The following CPPED1 variants were observed in gnomAD, a reference collection of about 807,000 sequenced individuals.
CPPED1 encodes the protein calcineurin like phosphoesterase domain containing 1.
Under a neutral mutation model 28.0 loss-of-function variants are expected in CPPED1, and 28 were observed. The observed-to-expected ratio is 1.00, with a 90% CI of 0.74 to 1.37. The LOEUF is 1.37. CPPED1 is among the 40% of genes most tolerant of loss of function. CPPED1 has a pLI of 0.00. For synonymous variants in CPPED1, 198 were observed against 180.2 expected (o/e 1.10, Z -0.79); for missense variants, 504 against 416.5 (o/e 1.21, Z -1.83).
chr16:12,744,248 G>A (rs1308795689), intron 2 of CPPED1, among the ~76,000 whole-genome samples: 2 of 144,770 alleles, frequency 1.4e-5, no homozygotes, highest in Admixed American at 1.5e-4. Flanking sequence ...TCCAGCCTGG[G>A]CGACAGAGCA....
At chr16:12,782,502 T>TA (rs2080537849) in intron 1 of CPPED1, among the ~76,000 whole-genome samples, 1 of 150,362 alleles carries the variant, frequency 6.7e-6, no homozygotes, top group Non-Finnish European at 1.5e-5. Flanking sequence ...AATGGCCTGC[T>TA]AGCGCTTAGT....
At chr16:12,794,962 G>A (rs180830779) in intron 1 of CPPED1, among the ~76,000 whole-genome samples, 147 of 152,358 alleles carry the variant, frequency 9.6e-4, no homozygotes, top group African/African-American at 3.1e-3. Flanking sequence ...GGCTTTGGCT[G>A]ACGCCATTCG....
At chr16:12,775,439 T>C (rs2080492307) in intron 2 of CPPED1, among the ~76,000 whole-genome samples, 1 of 152,130 alleles carries the variant, frequency 6.6e-6, no homozygotes, top group South Asian at 2.1e-4. Context: ...ATAGGTTGAG[T>C]ATCTCTTATG....
At chr16:12,727,121 C>A (rs942782138) in intron 2 of CPPED1, among the ~76,000 whole-genome samples, 2 of 152,262 alleles carry the variant, frequency 1.3e-5, no homozygotes, top group Non-Finnish European at 2.9e-5. Flanking sequence ...TGGAGCCCTG[C>A]GTTGGCCACA....
Position 12,745,807 on chromosome 16 carries a change from T to C in CPPED1, c.289+35378A>G, listed in dbSNP as rs562183796. 3 of 152,282 alleles carry C rather than the reference T, an allele frequency of 2.0e-5. No individual in the cohort carries two copies. In the South Asian group the frequency reaches 6.2e-4, roughly 32 times the overall value. The allele number at this position is 152,282 out of a possible 1,614,324, so 9.4% of individuals were successfully genotyped here. A position where few individuals can be genotyped will look rare whatever the true frequency, so the allele number is the denominator to read the frequency against. On this transcript the variant is annotated intron_variant, in intron 2 of 3. Transcript: ENST00000381774. ...TTAAAATATGCAACAATAGCACAAG[T>C]TACCTATGTAATAAACCTTCACATG...
At chr16:12,672,875 G>A (rs376416046) in intron 3 of CPPED1, among the ~76,000 whole-genome samples, 4 of 152,142 alleles carry the variant, frequency 2.6e-5, no homozygotes, top group Non-Finnish European at 5.9e-5. Flanking sequence ...CTAGCCAGGC[G>A]TGGTGGCAGG....
At chr16:12,723,166 A>G (rs774664522) in intron 2 of CPPED1, among the ~76,000 whole-genome samples, 4 of 152,238 alleles carry the variant, frequency 2.6e-5, no homozygotes, top group Non-Finnish European at 2.9e-5. Flanking sequence ...CATATAGTGC[A>G]CACATACACA....
chr16:12,756,983 T>C (rs1352015852), intron 2 of CPPED1, among the ~76,000 whole-genome samples: 1 of 152,158 alleles, frequency 6.6e-6, no homozygotes, highest in African/African-American at 2.4e-5. Context: ...TGAAAAAACG[T>C]TTATCTTCAC....
At chr16:12,798,905 G>A (rs2080642299) in intron 1 of CPPED1, among the ~76,000 whole-genome samples, 1 of 152,154 alleles carries the variant, frequency 6.6e-6, no homozygotes, top group Non-Finnish European at 1.5e-5. Flanking sequence ...TCTCAGGTGA[G>A]ACATGTACAA....
At chr16:12,784,560 A>T (rs1226688782) in intron 1 of CPPED1, among the ~76,000 whole-genome samples, 1 of 152,156 alleles carries the variant, frequency 6.6e-6, no homozygotes, top group Non-Finnish European at 1.5e-5. Context: ...GTCATGAAAA[A>T]AAAAAAAAAC....
intron 1 of CPPED1, among the ~76,000 whole-genome samples, chr16:12,787,621 G>T (rs148060990): frequency 0.019 from 2,904 of 151,922 alleles, 49 homozygotes; most frequent in Non-Finnish European, 0.032. Context: ...TGGCCAGGCT[G>T]GTTTTGAACT....
chr16:12,802,461 C>T (rs1483381136), intron 1 of CPPED1, among the ~76,000 whole-genome samples: 1 of 152,004 alleles, frequency 6.6e-6, no homozygotes, highest in Non-Finnish European at 1.5e-5. Flanking sequence ...ATTAGCCGGG[C>T]GTGGTGGTGC....
chr16:12,789,234 C>T (rs1040365191), intron 1 of CPPED1, among the ~76,000 whole-genome samples: 1 of 152,134 alleles, frequency 6.6e-6, no homozygotes, highest in East Asian at 1.9e-4. Flanking sequence ...CCCACCTGGC[C>T]CAATTTACCA....
chr16:12,739,297 T>C (rs1253056674), intron 2 of CPPED1, among the ~76,000 whole-genome samples: 5 of 152,160 alleles, frequency 3.3e-5, no homozygotes, highest in African/African-American at 9.7e-5. Context: ...ACCAAAGTGC[T>C]GGCCAGGCAC....
intron 3 of CPPED1, among the ~76,000 whole-genome samples, chr16:12,678,699 A>G (rs1301516717): frequency 6.6e-6 from 1 of 152,220 alleles, no homozygotes; most frequent in Non-Finnish European, 1.5e-5. Context: ...GCTTGCTGAT[A>G]GTATATAAAA....
chr16:12,711,320 G>C (rs574116130), intron 2 of CPPED1, among the ~76,000 whole-genome samples: 9 of 152,308 alleles, frequency 5.9e-5, no homozygotes, highest in African/African-American at 1.9e-4. Context: ...TGGTTGCCAG[G>C]ACTTTCAGGA....
intron 1 of CPPED1, among the ~76,000 whole-genome samples, chr16:12,801,751 C>T (rs981965572): frequency 6.6e-6 from 1 of 152,064 alleles, no homozygotes; most frequent in Non-Finnish European, 1.5e-5. Flanking sequence ...TTGGCATTCT[C>T]AAATTAGGAT....
chr16:12,785,399 G>C (rs1596484716), intron 1 of CPPED1, among the ~76,000 whole-genome samples: 1 of 150,262 alleles, frequency 6.7e-6, no homozygotes, highest in African/African-American at 2.5e-5. Context: ...ACAGGCATGA[G>C]CCACCACACC....
chr16:12,666,695 A>ACAAGAGCTGCCAACAGCCT (rs1463061215), intron 3 of CPPED1, among the ~76,000 whole-genome samples: 2 of 152,228 alleles, frequency 1.3e-5, no homozygotes, highest in Admixed American at 6.5e-5. Flanking sequence ...CCATAGAGAT[A>ACAAGAGCTGCCAACAGCCT]CAAGAGCTGC....
Sources: allele counts gnomAD v4.1 joint callset (sites outside exome capture counted in the v4.1 genomes callset), GRCh38; gene constraint gnomAD v4.1.1; transcripts MANE v1.5; gene names NCBI Gene and HGNC (gene_info 2026-07-23, HGNC 2026-07-21).